The following ADAMTS6 variants were observed in gnomAD, a reference collection of about 807,000 sequenced individuals.
ADAMTS6 encodes the protein ADAM metallopeptidase with thrombospondin type 1 motif 6.
In ADAMTS6, 23 loss-of-function variants were observed where a neutral mutation model predicts 144.3. That is an observed-to-expected ratio of 0.16 (90% CI 0.11 to 0.23). ADAMTS6 has a LOEUF of 0.23. Ranked by LOEUF, ADAMTS6 falls within the 10% of genes least tolerant of loss-of-function variation. The pLI is 1.00. For missense variants in ADAMTS6, 999 were observed against 1,379.6 expected (o/e 0.72, Z 4.37); for synonymous variants, 444 against 457.5 (o/e 0.97, Z 0.38).
chr5:65,469,378 A>T (rs1292387877), intron 3 of ADAMTS6, among the ~76,000 whole-genome samples: 1 of 152,216 alleles, frequency 6.6e-6, no homozygotes, highest in Non-Finnish European at 1.5e-5. Flanking sequence ...ACCCTGTTAA[A>T]ACTAGCAATG....
intron 11 of ADAMTS6, among the ~76,000 whole-genome samples, chr5:65,280,537 G>A (rs1196578133): frequency 2.0e-5 from 3 of 151,976 alleles, no homozygotes; most frequent in Non-Finnish European, 2.9e-5. Flanking sequence ...ATATGAGAAA[G>A]CTTGCCCGAT....
chr5:65,208,879 C>T (rs908413781), intron 20 of ADAMTS6, among the ~76,000 whole-genome samples: 3 of 152,090 alleles, frequency 2.0e-5, no homozygotes, highest in Admixed American at 6.5e-5. Context: ...CCCAGAGCCC[C>T]GAAGTACAGT....
At chr5:65,202,315 G>A (rs1755790027) in intron 20 of ADAMTS6, among the ~76,000 whole-genome samples, 1 of 152,206 alleles carries the variant, frequency 6.6e-6, no homozygotes, top group Non-Finnish European at 1.5e-5. Flanking sequence ...TAGAACAACT[G>A]TGTTTAGTAA....
chr5:65,257,376 CTCCTCACCT>C (rs896287924), intron 14 of ADAMTS6, among the ~76,000 whole-genome samples: 2 of 152,016 alleles, frequency 1.3e-5, no homozygotes, highest in Non-Finnish European at 2.9e-5. Context: ...ATTCTCTGAT[CTCCTCACCT>C]TCTATCTCTC....
intron 10 of ADAMTS6, chr5:65,296,971 C>T (rs971492067): frequency 1.4e-5 from 3 of 209,882 alleles, no homozygotes; most frequent in South Asian, 1.3e-4. Context: ...GCTTAAATTA[C>T]TTCTGGCTGT....
At chr5:65,442,073 A>G (rs953444805) in intron 7 of ADAMTS6, among the ~76,000 whole-genome samples, 13 of 151,280 alleles carry the variant, frequency 8.6e-5, no homozygotes, top group African/African-American at 3.2e-4. Context: ...AAACAAATCA[A>G]TGAAACAGAA....
At chr5:65,382,113 GA>G (rs1187311077) in intron 7 of ADAMTS6, among the ~76,000 whole-genome samples, 2 of 152,088 alleles carry the variant, frequency 1.3e-5, no homozygotes, top group Non-Finnish European at 2.9e-5. Flanking sequence ...TAACTCTTTG[GA>G]AAAAGCTGGG....
chr5:65,200,330 T>C (rs1755651470), intron 20 of ADAMTS6, among the ~76,000 whole-genome samples: 1 of 152,158 alleles, frequency 6.6e-6, no homozygotes, highest in Non-Finnish European at 1.5e-5. Context: ...AAGTAGAAAA[T>C]ACAGATCAAC....
intron 21 of ADAMTS6, among the ~76,000 whole-genome samples, chr5:65,195,590 G>C (rs540730668): frequency 5.9e-5 from 9 of 152,270 alleles, no homozygotes; most frequent in African/African-American, 2.2e-4. Flanking sequence ...AACAAGAAAT[G>C]CACCTTGAAC....
chr5:65,324,300 A>T (rs1580396624), intron 9 of ADAMTS6, among the ~76,000 whole-genome samples: 1 of 151,712 alleles, frequency 6.6e-6, no homozygotes, highest in African/African-American at 2.4e-5. Context: ...ATTAAAATGG[A>T]GCATAGATCT....
intron 11 of ADAMTS6, among the ~76,000 whole-genome samples, chr5:65,289,995 A>G (rs1742127200): frequency 6.6e-6 from 1 of 152,184 alleles, no homozygotes; most frequent in African/African-American, 2.4e-5. Context: ...ACAAAATAAG[A>G]TTAAGGATAA....
At chr5:65,388,367 GA>G (rs1752645375) in intron 7 of ADAMTS6, among the ~76,000 whole-genome samples, 2 of 152,150 alleles carry the variant, frequency 1.3e-5, no homozygotes, top group Non-Finnish European at 2.9e-5. Flanking sequence ...AACTTCTGAT[GA>G]GGTTCTGATG....
intron 7 of ADAMTS6, among the ~76,000 whole-genome samples, chr5:65,442,011 T>TC (rs1460354180): frequency 6.7e-6 from 1 of 149,074 alleles, no homozygotes; most frequent in Non-Finnish European, 1.5e-5. Flanking sequence ...TGACACAACT[T>TC]CCGCCATAAG....
At chr5:65,210,450 CAAAAAAAAAAA>C (rs59171341) in intron 20 of ADAMTS6, 1 of 103,684 alleles carries the variant, frequency 9.6e-6, no homozygotes, top group African/African-American at 4.5e-5. Flanking sequence ...AACTCCGTCT[CAAAAAAAAAAA>C]AAAAAAAAAG....
At chr5:65,242,426 T>C (rs1307836299) in intron 14 of ADAMTS6, among the ~76,000 whole-genome samples, 1 of 152,180 alleles carries the variant, frequency 6.6e-6, no homozygotes, top group African/African-American at 2.4e-5. Context: ...AAACAAAGCG[T>C]TACACAATTT....
intron 24 of ADAMTS6, among the ~76,000 whole-genome samples, chr5:65,160,537 C>T (rs1752700883): frequency 6.6e-6 from 1 of 152,124 alleles, no homozygotes; most frequent in Non-Finnish European, 1.5e-5. Context: ...ATCTCCTGAC[C>T]TCGTGATCTG....
In ADAMTS6 at chr5:65,272,614, T is replaced by C. The variant is rs115913242; in HGVS notation, c.1620+726A>G. Among the ~76,000 whole-genome samples the C allele has an allele frequency of 5.6e-3, 848 of 152,278 alleles. 10 individuals carry two copies. Among genetic ancestry groups the C allele is most frequent in the African/African-American group, 0.019 (796 of 41,558 alleles). ...ATTTTTCTACTAGTCCCTTCTCTCA[T>C]ACTGCAATCTAAAAGTGACTTTAGA... On this transcript the variant is annotated intron_variant, in intron 12 of 24. Transcript: ENST00000381055.
intron 7 of ADAMTS6, among the ~76,000 whole-genome samples, chr5:65,414,772 G>T (rs1368907762): frequency 6.6e-6 from 1 of 152,146 alleles, no homozygotes. Context: ...AATGTGTTTT[G>T]TATACAGAAG....
intron 1 of ADAMTS6, among the ~76,000 whole-genome samples, chr5:65,477,549 CAGT>C (rs1760922047): frequency 1.3e-5 from 2 of 151,992 alleles, no homozygotes; most frequent in Non-Finnish European, 2.9e-5. Flanking sequence ...TTAACTAAGC[CAGT>C]AGCATTGAGA....
Sources: gnomAD v4.1 joint callset for allele counts (sites outside exome capture counted in the v4.1 genomes callset) on GRCh38, gnomAD v4.1.1 for gene constraint, MANE v1.5 for transcripts, NCBI Gene and HGNC (gene_info 2026-07-23, HGNC 2026-07-21) for gene names.